The following HK1 variants were observed in gnomAD, a reference collection of about 807,000 sequenced individuals.
HK1 encodes hexokinase-1.
In HK1, 28 loss-of-function variants were observed where a neutral mutation model predicts 91.6. The ratio of observed to expected loss-of-function variants is 0.31; its 90% CI spans 0.23 to 0.42. The LOEUF (loss-of-function observed/expected upper bound fraction) is 0.42, where lower values mean the gene tolerates loss of function less well. Among genes scored for constraint, HK1 ranks in the 10% least tolerant of loss-of-function variants. HK1 has a pLI of 1.00. For missense variants in HK1, 770 were observed against 1,219.8 expected (o/e 0.63, Z 5.49); for synonymous variants, 430 against 468.1 (o/e 0.92, Z 1.05).
intron 4 of HK1, among the ~76,000 whole-genome samples, chr10:69,299,697 T>G (rs756754506): frequency 3.3e-5 from 5 of 151,042 alleles, no homozygotes; most frequent in African/African-American, 4.9e-5. Flanking sequence ...AGTCTCACTC[T>G]GTTGCCTGGG....
At chr10:69,283,661 G>A (rs1844875353) in intron 2 of HK1, among the ~76,000 whole-genome samples, 1 of 150,804 alleles carries the variant, frequency 6.6e-6, no homozygotes, top group Non-Finnish European at 1.5e-5. Context: ...GGCAACTGTA[G>A]TCCCAGCTAC....
intron 4 of HK1, among the ~76,000 whole-genome samples, chr10:69,297,895 C>CA (rs369327516): frequency 2.6e-3 from 281 of 108,372 alleles, no homozygotes; most frequent in East Asian, 0.015. Context: ...AACTCTGTCT[C>CA]AAAAAAAAAA....
intron 1 of HK1, among the ~76,000 whole-genome samples, chr10:69,325,152 C>T (rs990197664): frequency 2.1e-5 from 3 of 145,666 alleles, no homozygotes; most frequent in Non-Finnish European, 3.0e-5. Flanking sequence ...CCTGGGTTCT[C>T]GCCATTCTCC....
At chr10:69,291,298 G>A (rs1279510187) in intron 3 of HK1, among the ~76,000 whole-genome samples, 1 of 152,236 alleles carries the variant, frequency 6.6e-6, no homozygotes, top group African/African-American at 2.4e-5. Flanking sequence ...GGAGGTCCAG[G>A]GAGAGGAGCA....
chr10:69,270,474 TCGGGAGG>T (rs1844101048), intron 1 of HK1, among the ~76,000 whole-genome samples: 1 of 151,928 alleles, frequency 6.6e-6, no homozygotes, highest in Non-Finnish European at 1.5e-5. Context: ...TCCTAGCTAC[TCGGGAGG>T]CTGAAGCAGG....
At chr10:69,395,137 C>A in intron 16 of HK1, 32 bp downstream of exon 16, 1 of 1,609,724 alleles carries the variant, frequency 6.2e-7, no homozygotes, top group East Asian at 2.2e-5. Flanking sequence ...TGCCAGCGCC[C>A]ACCCTTCAGA....
chr10:69,337,727 G>A (rs532340843), intron 1 of HK1, among the ~76,000 whole-genome samples: 1 of 152,308 alleles, frequency 6.6e-6, no homozygotes, highest in African/African-American at 2.4e-5. Flanking sequence ...TCATTTTAAA[G>A]GCCTGCGTCA....
chr10:69,396,738 A>G (rs1167341168), intron 16 of HK1, among the ~76,000 whole-genome samples: 1 of 151,772 alleles, frequency 6.6e-6, no homozygotes, highest in Non-Finnish European at 1.5e-5. Context: ...CTGGGGTGCA[A>G]TGGTGCAAAC....
chr10:69,349,332 A>G (rs1419886185), intron 2 of HK1, among the ~76,000 whole-genome samples: 3 of 152,168 alleles, frequency 2.0e-5, no homozygotes, highest in Admixed American at 6.5e-5. Context: ...CTGCCTCACC[A>G]GGCTATCATC....
intron 11 of HK1, 109 bp downstream of exon 11, chr10:69,384,590 T>C: frequency 6.8e-7 from 1 of 1,476,198 alleles, no homozygotes; most frequent in Non-Finnish European, 9.4e-7. Context: ...ATTTGTGTCC[T>C]TGTGGCCCAG....
At chr10:69,365,487 C>A (rs1849654851) in intron 4 of HK1, among the ~76,000 whole-genome samples, 1 of 152,150 alleles carries the variant, frequency 6.6e-6, no homozygotes, top group African/African-American at 2.4e-5. Flanking sequence ...TGCAGGAATA[C>A]AAAATAAATA....
At chr10:69,297,111 A>G (rs1845603816) in intron 4 of HK1, among the ~76,000 whole-genome samples, 3 of 152,238 alleles carry the variant, frequency 2.0e-5, no homozygotes, top group Non-Finnish European at 4.4e-5. Context: ...TGCTAAAACT[A>G]CTGTTGACCA....
At chr10:69,364,690 C>T in intron 3 of HK1, 93 bp from the exon 4 acceptor site, 4 of 1,492,384 alleles carry the variant, frequency 2.7e-6, no homozygotes, top group Non-Finnish European at 3.7e-6. Flanking sequence ...AGATGTATTC[C>T]TTTCTGTGTG....
intron 14 of HK1, among the ~76,000 whole-genome samples, chr10:69,390,717 G>T (rs1839860791): frequency 6.6e-6 from 1 of 152,178 alleles, no homozygotes; most frequent in Non-Finnish European, 1.5e-5. Context: ...CTGGATGGGT[G>T]GATGGTGCTC....
chr10:69,380,393 T>C lies in HK1; in HGVS notation c.1265+298T>C, dbSNP rs1839330705. 6.6e-6 allele frequency among the ~76,000 whole-genome samples: 1 copy of C among 152,216 alleles called. No individual in the cohort carries two copies. Among genetic ancestry groups the C allele is most frequent in the Non-Finnish European group, 1.5e-5 (1 of 68,034 alleles). On this transcript the variant is annotated intron_variant, in intron 9 of 17. Transcript: ENST00000359426. This position sits in a 1 kb window ranked among gnomAD's most constrained non-coding sequence, Gnocchi z 4.0. ...AGGTCAGCGTCGCCCCCTTGGGAAG[T>C]ATCGCCCTTAGTCGATTCTTGCTGG...
intron 2 of HK1, among the ~76,000 whole-genome samples, chr10:69,359,264 A>G (rs779541349): frequency 3.9e-5 from 6 of 152,190 alleles, no homozygotes; most frequent in South Asian, 2.1e-4. Flanking sequence ...CTTAATGGTT[A>G]TAGAGTTTGT....
At chr10:69,340,694 C>T (rs1048157868) in intron 1 of HK1, among the ~76,000 whole-genome samples, 3 of 152,166 alleles carry the variant, frequency 2.0e-5, no homozygotes, top group African/African-American at 7.2e-5. Flanking sequence ...TGCCAGCTAG[C>T]AATGTAGCTT....
intron 1 of HK1, among the ~76,000 whole-genome samples, chr10:69,334,452 T>G (rs1401759078): frequency 2.0e-5 from 3 of 152,126 alleles, no homozygotes; most frequent in Non-Finnish European, 4.4e-5. Flanking sequence ...GCCTCAGCCA[T>G]GCAGTGGTGA....
chr10:69,285,169 T>C (rs961854141), intron 2 of HK1, among the ~76,000 whole-genome samples: 2 of 150,756 alleles, frequency 1.3e-5, no homozygotes, highest in Admixed American at 6.6e-5. Context: ...GCGCGGTGGC[T>C]CACGCCTGTA....
Sources: allele counts gnomAD v4.1 joint callset (sites outside exome capture counted in the v4.1 genomes callset), GRCh38; gene constraint gnomAD v4.1.1; non-coding constraint Gnocchi (gnomAD v3.1); transcripts MANE v1.5; gene names NCBI Gene and HGNC (gene_info 2026-07-23, HGNC 2026-07-21).